AVEN: variants seen among roughly 807,000 people sequenced by gnomAD.
The protein encoded by AVEN is apoptosis and caspase activation inhibitor.
AVEN carries 41 observed loss-of-function variants against 38.1 expected under a neutral mutation model. The observed-to-expected ratio is 1.08, with a 90% confidence interval of 0.84 to 1.40. The LOEUF is 1.40. AVEN is among the 40% of genes most tolerant of loss of function. The pLI is 0.00. For synonymous variants in AVEN, 206 were observed against 171.8 expected, an observed-to-expected ratio of 1.20 and a Z score of -1.56; for missense variants, 605 against 438.8, an observed-to-expected ratio of 1.38 and a Z score of -3.38.
At chr15:33,914,306 T>A (rs1313252133) in intron 2 of AVEN, among the ~76,000 whole-genome samples, 1 of 152,142 alleles carries the variant, frequency 6.6e-6, no homozygotes, top group Admixed American at 6.6e-5. Context: ...ATTAAAAGCC[T>A]GTGATTAAAA....
intron 2 of AVEN, among the ~76,000 whole-genome samples, chr15:33,944,641 C>T (rs1894440854): frequency 6.6e-6 from 1 of 152,122 alleles, no homozygotes; most frequent in Non-Finnish European, 1.5e-5. Flanking sequence ...AACCCCGTCT[C>T]TATTAAAAAT....
chr15:34,006,351 G>A (rs748167452), intron 1 of AVEN, among the ~76,000 whole-genome samples: 9 of 151,738 alleles, frequency 5.9e-5, no homozygotes, highest in South Asian at 2.1e-4. Context: ...GAGAATTTGC[G>A]GGACAGAACT....
At chr15:33,870,104 ACT>A (rs1491131660) in intron 4 of AVEN, among the ~76,000 whole-genome samples, 1 of 151,348 alleles carries the variant, frequency 6.6e-6, no homozygotes, top group Non-Finnish European at 1.5e-5. Context: ...TTTCTTGACC[ACT>A]CTCTCCCAAT....
chr15:33,862,712 G>GTGATTGAT (rs150306937), downstream of AVEN, among the ~76,000 whole-genome samples: 2 of 152,072 alleles, frequency 1.3e-5, no homozygotes, highest in East Asian at 2.0e-4. Context: ...CTGGATTCAA[G>GTGATTGAT]TGATTCTCCT....
chr15:33,979,350 T>C (rs2140518902), intron 2 of AVEN, among the ~76,000 whole-genome samples: 1 of 151,974 alleles, frequency 6.6e-6, no homozygotes, highest in Middle Eastern at 3.4e-3. Context: ...GGCAAAACCA[T>C]ATACAAAAAT....
At chr15:34,017,833 A>G (rs1898008871) in intron 1 of AVEN, among the ~76,000 whole-genome samples, 1 of 152,188 alleles carries the variant, frequency 6.6e-6, no homozygotes, top group South Asian at 2.1e-4. Flanking sequence ...GCAACTAAGT[A>G]ATGCACCACA....
intron 2 of AVEN, among the ~76,000 whole-genome samples, chr15:33,952,498 C>G (rs1567430864): frequency 2.6e-5 from 4 of 152,124 alleles, no homozygotes; most frequent in Admixed American, 6.5e-5. Context: ...AGTCAGATAC[C>G]AACATACTCA....
intron 2 of AVEN, among the ~76,000 whole-genome samples, chr15:33,876,496 C>T (rs1056078470): frequency 4.0e-5 from 6 of 151,884 alleles, no homozygotes; most frequent in Admixed American, 2.6e-4. Flanking sequence ...CGCTTCAACC[C>T]GGGAGGCGGA....
Position 33,932,830 on chromosome 15 carries a change from TAAAC to T in AVEN, c.446-56839_446-56836del, listed in dbSNP as rs1280491817. Among the ~76,000 whole-genome samples the T allele has an allele frequency of 1.1e-3, 163 of 142,776 alleles. 2 individuals are homozygous for T. Among genetic ancestry groups the T allele is most frequent in the African/African-American group, 3.6e-3 (136 of 37,540 alleles). 93.7% of individuals were successfully genotyped at this position (142,776 alleles called of 152,430 possible). On this transcript the variant is annotated intron_variant, in intron 2 of 5. Coordinates refer to ENST00000306730, the MANE Select transcript of AVEN (RefSeq NM_020371.3). ...ACAAGAGCAAGACTCCATCACAAAA[TAAAC>T]AAACAAATAAATAAATAAATAAATA...
intron 1 of AVEN, among the ~76,000 whole-genome samples, chr15:34,010,858 C>T (rs1321955399): frequency 6.6e-6 from 1 of 152,024 alleles, no homozygotes; most frequent in Admixed American, 6.6e-5. Context: ...TAGTTAATTG[C>T]CAACTTTTAT....
intron 2 of AVEN, among the ~76,000 whole-genome samples, chr15:33,973,745 AT>A (rs543769901): frequency 6.4e-4 from 98 of 152,300 alleles, no homozygotes; most frequent in African/African-American, 2.3e-3. Flanking sequence ...ACGAAATTGC[AT>A]TTTTCATGGT....
At chr15:33,962,730 A>C (rs1895236847) in intron 2 of AVEN, among the ~76,000 whole-genome samples, 1 of 152,076 alleles carries the variant, frequency 6.6e-6, no homozygotes, top group Non-Finnish European at 1.5e-5. Flanking sequence ...ATTATGATCA[A>C]GATCATTTTC....
chr15:33,932,934 A>G (rs768988144), intron 2 of AVEN, among the ~76,000 whole-genome samples: 1 of 152,214 alleles, frequency 6.6e-6, no homozygotes, highest in Non-Finnish European at 1.5e-5. Context: ...TTTAGATGAA[A>G]TAAATAATAG....
intron 2 of AVEN, among the ~76,000 whole-genome samples, chr15:33,889,241 T>C (rs1004811623): frequency 6.6e-6 from 1 of 152,200 alleles, no homozygotes; most frequent in Non-Finnish European, 1.5e-5. Context: ...AGACTTTAAA[T>C]GACATATAAA....
intron 2 of AVEN, among the ~76,000 whole-genome samples, chr15:33,944,945 G>C (rs1381989858): frequency 6.6e-6 from 1 of 152,160 alleles, no homozygotes; most frequent in Non-Finnish European, 1.5e-5. Context: ...ACCAGGCACG[G>C]ACTCTCCACA....
Position 33,867,673 on chromosome 15 carries a change from T to G in AVEN, c.795A>C (p.Ser265=), listed in dbSNP as rs1191659233. ...GGGAAGTGGGTTTCTGAGAATCCCT[T>G]GAAGGACCCGGGCTTGGGTTGTCTT... is the stretch of plus-strand genomic sequence containing the variant. ...LGKDNPSPGP[S]RDSQKPTSPL... The change falls in exon 5 of 6, where the codon TCA becomes TCC. Residue 265 remains serine (S), a synonymous_variant. Transcript: ENST00000306730. 1.2e-6 allele frequency: 2 copies of G among 1,614,056 alleles called. No individual in the cohort carries two copies. The highest frequency in any genetic ancestry group is 8.5e-7 in the Non-Finnish European group (1 of 1,180,026).
chr15:34,036,631 A>G (rs1399152760), intron 1 of AVEN, among the ~76,000 whole-genome samples: 1 of 152,212 alleles, frequency 6.6e-6, no homozygotes, highest in African/African-American at 2.4e-5. Context: ...AGAGATGACC[A>G]ATCCAAACCA....
intron 2 of AVEN, among the ~76,000 whole-genome samples, chr15:33,974,158 G>T (rs563701015): frequency 6.6e-6 from 1 of 152,034 alleles, no homozygotes; most frequent in Admixed American, 6.6e-5. Flanking sequence ...GAATTTCATC[G>T]ATAATCCAAA....
rs184747337 is a variant in AVEN, at chr15:33,917,414, T to C, written c.446-41419A>G. ...CACACACACATGGAATACTACTATA[T>C]ATATACACACACTATATATATACAC... On this transcript the variant is annotated intron_variant, in intron 2 of 5. Coordinates refer to ENST00000306730, the MANE Select transcript of AVEN (RefSeq NM_020371.3). Among the ~76,000 whole-genome samples the C allele has an allele frequency of 3.3e-3, 488 of 148,964 alleles. 1 individual carries two copies. The highest frequency in any genetic ancestry group is 0.011 in the African/African-American group (455 of 40,392).
Sources: allele counts gnomAD v4.1 joint callset (sites outside exome capture counted in the v4.1 genomes callset), GRCh38; gene constraint gnomAD v4.1.1; transcripts MANE v1.5; gene names NCBI Gene and HGNC (gene_info 2026-07-23, HGNC 2026-07-21).